PHACTR1: variants seen among roughly 807,000 people sequenced by gnomAD.
The protein encoded by PHACTR1 is RPEL repeat containing 1.
A neutral mutation model predicts 69.2 loss-of-function variants in PHACTR1; 16 were observed. The ratio of observed to expected loss-of-function variants is 0.23; its 90% CI spans 0.16 to 0.35. PHACTR1 has a LOEUF of 0.35. Among genes scored for constraint, PHACTR1 ranks in the 10% least tolerant of loss-of-function variants. PHACTR1 has a pLI of 1.00. For synonymous variants in PHACTR1, 312 were observed against 284.5 expected (o/e 1.10, Z -0.97); for missense variants, 510 against 734.7 (o/e 0.69, Z 3.54).
At chr6:13,024,705 A>G (rs1015621140) in intron 4 of PHACTR1, among the ~76,000 whole-genome samples, 1 of 152,214 alleles carries the variant, frequency 6.6e-6, no homozygotes, top group Admixed American at 6.5e-5. Context: ...TGCACTATTA[A>G]GCAGCCTGTG....
intron 5 of PHACTR1, 24 bp downstream of exon 5, chr6:13,053,553 T>C (rs745629086): frequency 1.2e-6 from 2 of 1,606,850 alleles, no homozygotes; most frequent in Non-Finnish European, 1.7e-6. Flanking sequence ...TTCTTTCATT[T>C]CCCATTTGGT....
At position 13,259,138 on chromosome 6, in the gene PHACTR1, G is replaced by A. The variant is rs62386684; in HGVS notation, c.1392-13722G>A. On this transcript the variant is annotated intron_variant, in intron 10 of 14. Transcript: ENST00000332995. ...TTGATGGATTCTTCTTGTAAAAATAGCCTTGTTGAAATGACTGTCTTAATT... is the reference window on the plus strand; with the variant it reads ...TTGATGGATTCTTCTTGTAAAAATAACCTTGTTGAAATGACTGTCTTAATT... 3.7e-3 allele frequency among the ~76,000 whole-genome samples: 562 copies of A among 152,286 alleles called. 1 individual carries two copies. Among genetic ancestry groups the A allele is most frequent in the Middle Eastern group, 0.014 (4 of 294 alleles).
chr6:12,750,191 C>T (rs1766430140), intron 4 of PHACTR1, among the ~76,000 whole-genome samples: 1 of 152,218 alleles, frequency 6.6e-6, no homozygotes, highest in Admixed American at 6.5e-5. Context: ...CATTCAGACT[C>T]TGTTGGCTTT....
chr6:12,718,978 C>T (rs1304045303), intron 3 of PHACTR1, 131 bp downstream of exon 3: 1 of 477,382 alleles, frequency 2.1e-6, no homozygotes, highest in East Asian at 3.1e-5. Context: ...ATAACCTCTA[C>T]CAAACTGCTG....
chr6:12,729,514 C>T (rs1400865874), intron 3 of PHACTR1, among the ~76,000 whole-genome samples: 3 of 152,194 alleles, frequency 2.0e-5, no homozygotes, highest in Non-Finnish European at 2.9e-5. Flanking sequence ...ACGTGTTAGA[C>T]TCTGCCTAGG....
chr6:12,981,753 C>T (rs1285504890), intron 4 of PHACTR1, among the ~76,000 whole-genome samples: 1 of 152,180 alleles, frequency 6.6e-6, no homozygotes, highest in Non-Finnish European at 1.5e-5. Context: ...CTTCAGGGTA[C>T]AAACCATGTA....
chr6:12,726,010 C>A (rs761357522), intron 3 of PHACTR1, among the ~76,000 whole-genome samples: 2 of 152,006 alleles, frequency 1.3e-5, no homozygotes, highest in South Asian at 2.1e-4. Context: ...GAATTAAAAT[C>A]TTTAGTTGAA....
chr6:12,810,611 G>C (rs914422169), intron 4 of PHACTR1, among the ~76,000 whole-genome samples: 17 of 152,148 alleles, frequency 1.1e-4, no homozygotes, highest in African/African-American at 4.1e-4. Context: ...CCACCTGCCA[G>C]AAAGTGACAA....
chr6:13,003,493 A>G (rs188936967), intron 4 of PHACTR1, among the ~76,000 whole-genome samples: 66 of 152,288 alleles, frequency 4.3e-4, no homozygotes, highest in African/African-American at 1.5e-3. Flanking sequence ...AGATAGATGG[A>G]TAGATAGATC....
intron 3 of PHACTR1, among the ~76,000 whole-genome samples, chr6:12,745,012 T>C (rs1010891683): frequency 6.6e-6 from 1 of 152,194 alleles, no homozygotes; most frequent in African/African-American, 2.4e-5. Flanking sequence ...CCTCAAATTC[T>C]GATTCAGTAG....
At chr6:12,990,737 C>T (rs1240395013) in intron 4 of PHACTR1, among the ~76,000 whole-genome samples, 2 of 152,198 alleles carry the variant, frequency 1.3e-5, no homozygotes, top group African/African-American at 2.4e-5. Flanking sequence ...AGAATCAGAT[C>T]ACATGAACTG....
intron 4 of PHACTR1, among the ~76,000 whole-genome samples, chr6:12,788,250 G>A (rs1477584381): frequency 2.6e-5 from 3 of 117,214 alleles, no homozygotes; most frequent in African/African-American, 3.8e-5. Context: ...ATCAGCTGAT[G>A]TAACTAAGTG....
intron 5 of PHACTR1, among the ~76,000 whole-genome samples, chr6:13,097,818 T>G (rs907280387): frequency 6.6e-6 from 1 of 152,036 alleles, no homozygotes; most frequent in Admixed American, 6.6e-5. Context: ...CCTACTCCCA[T>G]CCCCACTATA....
chr6:12,936,045 A>G (rs1789411033), intron 4 of PHACTR1, among the ~76,000 whole-genome samples: 1 of 135,634 alleles, frequency 7.4e-6, no homozygotes, highest in Non-Finnish European at 1.5e-5. Flanking sequence ...CTTGAGTGTC[A>G]TTAAAAAAAA....
intron 4 of PHACTR1, among the ~76,000 whole-genome samples, chr6:12,947,885 G>A (rs1790857654): frequency 6.6e-6 from 1 of 152,184 alleles, no homozygotes; most frequent in African/African-American, 2.4e-5. Flanking sequence ...CTTCACATTT[G>A]TATATCCTAC....
At chr6:13,008,139 A>T (rs756053897) in intron 4 of PHACTR1, among the ~76,000 whole-genome samples, 3 of 152,236 alleles carry the variant, frequency 2.0e-5, no homozygotes, top group Non-Finnish European at 4.4e-5. Context: ...TTATATCAAA[A>T]GTCTGCCAGA....
chr6:12,835,839 A>C (rs1778098533), intron 4 of PHACTR1, among the ~76,000 whole-genome samples: 1 of 152,170 alleles, frequency 6.6e-6, no homozygotes, highest in Admixed American at 6.5e-5. Context: ...ATTAAGATTC[A>C]GGTTTTTGGG....
chr6:13,219,756 A>C (rs1768307410), intron 8 of PHACTR1, among the ~76,000 whole-genome samples: 1 of 152,226 alleles, frequency 6.6e-6, no homozygotes, highest in Non-Finnish European at 1.5e-5. Flanking sequence ...GGATTGTGTG[A>C]ACATCTGTTA....
At chr6:12,891,716 A>C (rs1236800448) in intron 4 of PHACTR1, among the ~76,000 whole-genome samples, 1 of 152,174 alleles carries the variant, frequency 6.6e-6, no homozygotes. Context: ...CATGTAACCT[A>C]TCCTTGTTTA....
Sources: gnomAD v4.1 joint callset for allele counts (sites outside exome capture counted in the v4.1 genomes callset) on GRCh38, gnomAD v4.1.1 for gene constraint, MANE v1.5 for transcripts, NCBI Gene and HGNC (gene_info 2026-07-23, HGNC 2026-07-21) for gene names.